The following EVA1C variants were observed in gnomAD, a reference collection of about 807,000 sequenced individuals.
EVA1C encodes the protein protein eva-1 homolog C.
In EVA1C, 25 loss-of-function variants were observed where a neutral mutation model predicts 45.4. The ratio of observed to expected loss-of-function variants is 0.55; its 90% CI spans 0.40 to 0.77. The LOEUF (loss-of-function observed/expected upper bound fraction) is 0.77. EVA1C is among the 30% of genes least tolerant of loss of function. The probability of loss-of-function intolerance (pLI) is 0.00; values close to 1 mark genes in which losing one functional copy is unlikely to be tolerated. For synonymous variants in EVA1C, 190 were observed against 221.2 expected (o/e 0.86, Z 1.25); for missense variants, 479 against 554.8 (o/e 0.86, Z 1.37).
chr21:32,457,778 C>T (rs1601318175), intron 3 of EVA1C, 58 bp downstream of exon 3: 3 of 1,600,058 alleles, frequency 1.9e-6, no homozygotes, highest in South Asian at 1.1e-5. Context: ...TTCCTTCACA[C>T]TCCTGGTCAA....
intron 4 of EVA1C, among the ~76,000 whole-genome samples, chr21:32,482,468 A>G (rs749435835): frequency 1.4e-4 from 22 of 152,166 alleles, no homozygotes; most frequent in Non-Finnish European, 3.1e-4. Flanking sequence ...CGGTTCTCCA[A>G]TGAGTAGAAG....
intron 7 of EVA1C, among the ~76,000 whole-genome samples, chr21:32,513,841 T>C (rs2038049298): frequency 6.6e-6 from 1 of 152,156 alleles, no homozygotes; most frequent in South Asian, 2.1e-4. Context: ...ACACCCAGCA[T>C]ATTTTTGTAT....
At chr21:32,427,400 C>G (rs572842004) in intron 1 of EVA1C, among the ~76,000 whole-genome samples, 1 of 152,112 alleles carries the variant, frequency 6.6e-6, no homozygotes, top group African/African-American at 2.4e-5. Context: ...GAGTATTTAC[C>G]GCTGGGTATA....
chr21:32,461,106 T>C (rs914692227), intron 3 of EVA1C, among the ~76,000 whole-genome samples: 1 of 152,208 alleles, frequency 6.6e-6, no homozygotes, highest in South Asian at 2.1e-4. Context: ...CAAGTGATGA[T>C]GGAGCTGAGA....
At chr21:32,502,287 C>T (rs59590075) in intron 6 of EVA1C, among the ~76,000 whole-genome samples, 2,362 of 151,810 alleles carry the variant, frequency 0.016, 68 homozygotes, top group African/African-American at 0.054. Flanking sequence ...TTAGTAGAGA[C>T]GGGGTTTCAC....
At position 32,511,889 on chromosome 21, in the gene EVA1C, G is replaced by T. The variant is rs560618653; in HGVS notation, c.950-2925G>T. 2.6e-5 allele frequency among the ~76,000 whole-genome samples: 4 copies of T among 152,270 alleles called. No homozygotes were observed. In the South Asian group the frequency reaches 8.3e-4, roughly 32 times the overall value. On this transcript the variant is annotated intron_variant, in intron 7 of 7. Coordinates refer to ENST00000300255, the MANE Select transcript of EVA1C (RefSeq NM_058187.5). ...CCACAAAAGCAGAAACCTGGCAACA[G>T]CAGGAGAGCAGGCAAATAAACAGTT...
At chr21:32,413,867 G>A (rs2033929259) in intron 1 of EVA1C, among the ~76,000 whole-genome samples, 1 of 152,194 alleles carries the variant, frequency 6.6e-6, no homozygotes, top group Non-Finnish European at 1.5e-5. Flanking sequence ...GCCTTCCCCA[G>A]CCCAGCTTAG....
chr21:32,451,439 T>C (rs577641881), intron 1 of EVA1C, among the ~76,000 whole-genome samples: 1 of 152,318 alleles, frequency 6.6e-6, no homozygotes, highest in South Asian at 2.1e-4. Flanking sequence ...TTTAGGCCCC[T>C]GCGCCTGCTG....
In EVA1C at chr21:32,429,100, C is replaced by T. The variant is rs148392043; in HGVS notation, c.160+16087C>T. 5.1e-3 allele frequency among the ~76,000 whole-genome samples: 760 copies of T among 147,734 alleles called. 9 individuals are homozygous for T. The highest frequency in any genetic ancestry group is 0.028 in the Admixed American group (431 of 15,174). On this transcript the variant is annotated intron_variant, in intron 1 of 7. Coordinates refer to ENST00000300255, the MANE Select transcript of EVA1C (RefSeq NM_058187.5). Reference sequence around the variant, plus strand: ...GTCGCCTTGGTGCAATCTCAGCTCACGGCAACCTCGCCTCCCGGGTTTAAG... The same window carrying T: ...GTCGCCTTGGTGCAATCTCAGCTCATGGCAACCTCGCCTCCCGGGTTTAAG...
At chr21:32,422,441 T>G (rs2034317234) in intron 1 of EVA1C, among the ~76,000 whole-genome samples, 1 of 152,198 alleles carries the variant, frequency 6.6e-6, no homozygotes, top group African/African-American at 2.4e-5. Flanking sequence ...GATGGTGTCC[T>G]AGGATTAATT....
rs550735908 is a variant in EVA1C at position 32,499,921 on chromosome 21, CAG to C, written c.779-1491_779-1490del. The stretch of plus-strand genomic sequence containing the variant: ...GGGCTTATTCTTAGGGTCAGTTCAG[CAG>C]AGTCTGAAACCACCTTCAGAGGAGT... On this transcript the variant is annotated intron_variant, in intron 5 of 7. Coordinates refer to ENST00000300255, the MANE Select transcript of EVA1C (RefSeq NM_058187.5). Among the ~76,000 whole-genome samples, 354 of 152,292 alleles carry C rather than the reference CAG, an allele frequency of 2.3e-3. 1 individual carries two copies. The highest frequency in any genetic ancestry group is 7.7e-3 in the African/African-American group (321 of 41,566).
chr21:32,484,404 C>T (rs1601393796), intron 4 of EVA1C, among the ~76,000 whole-genome samples: 3 of 152,172 alleles, frequency 2.0e-5, no homozygotes, highest in African/African-American at 7.2e-5. Context: ...ATTAGCCAGG[C>T]GCAGTGGCGT....
chr21:32,494,926 TG>T (rs1437981178), intron 4 of EVA1C, 100 bp from the exon 5 acceptor site: 2 of 1,252,926 alleles, frequency 1.6e-6, no homozygotes, highest in Admixed American at 4.3e-5. Context: ...CCATTTGATT[TG>T]AATCCAGCTC....
Position 32,472,154 on chromosome 21 carries a change from A to T in EVA1C, c.634+4306A>T, listed in dbSNP as rs149062501. 9.6e-3 allele frequency among the ~76,000 whole-genome samples: 1,460 copies of T among 151,982 alleles called. 7 individuals are homozygous for T. The highest frequency in any genetic ancestry group is 0.013 in the African/African-American group (526 of 41,432). On this transcript the variant is annotated intron_variant, in intron 4 of 7. Transcript: ENST00000300255. ...AGATGAAAGTTGGATTTAATTAATTAATTTATTTATTTATTTATTTTTGAG... is the reference window on the plus strand; with the variant it reads ...AGATGAAAGTTGGATTTAATTAATTTATTTATTTATTTATTTATTTTTGAG...
At chr21:32,502,026 TTCTTTCTTTCTTTC>T (rs2037562362) in intron 6 of EVA1C, among the ~76,000 whole-genome samples, 1 of 139,668 alleles carries the variant, frequency 7.2e-6, no homozygotes, top group Non-Finnish European at 1.5e-5. Flanking sequence ...CTTTCTTTCT[TTCTTTCTTTCTTTC>T]TTTCTTTCTT....
chr21:32,494,980 C>T, intron 4 of EVA1C, 47 bp from the exon 5 acceptor site: 1 of 1,599,344 alleles, frequency 6.3e-7, no homozygotes, highest in South Asian at 1.1e-5. Context: ...ATGTGGTGGC[C>T]CTGTGTGGGA....
intron 5 of EVA1C, 88 bp from the exon 6 acceptor site, chr21:32,501,327 C>G: frequency 8.6e-7 from 1 of 1,163,902 alleles, no homozygotes; most frequent in Non-Finnish European, 1.2e-6. Flanking sequence ...ATTTTAAAAT[C>G]TTATCTACAT....
intron 4 of EVA1C, among the ~76,000 whole-genome samples, chr21:32,483,798 C>T (rs2833849): frequency 0.39 from 59,252 of 151,912 alleles, 11,859 homozygotes; most frequent in East Asian, 0.5. Flanking sequence ...GTGCCCAGCA[C>T]CTGATTCTTT....
intron 7 of EVA1C, among the ~76,000 whole-genome samples, chr21:32,510,790 T>C (rs1568958472): frequency 6.6e-6 from 1 of 152,156 alleles, no homozygotes; most frequent in African/African-American, 2.4e-5. Flanking sequence ...ATCCCAGCAC[T>C]TGGGGAGGCC....
Sources: allele counts gnomAD v4.1 joint callset (sites outside exome capture counted in the v4.1 genomes callset), GRCh38; gene constraint gnomAD v4.1.1; transcripts MANE v1.5; gene names NCBI Gene and HGNC (gene_info 2026-07-23, HGNC 2026-07-21).